The following EHBP1 variants were observed in gnomAD, a reference collection of about 807,000 sequenced individuals.
EHBP1 encodes EH domain-binding protein 1.
EHBP1 carries 55 observed loss-of-function variants against 144.0 expected under a neutral mutation model. The observed-to-expected ratio is 0.38, with a 90% CI of 0.31 to 0.48. The LOEUF is 0.48. Ranked by LOEUF, EHBP1 falls within the 20% of genes least tolerant of loss-of-function variation. The probability of loss-of-function intolerance (pLI) is 0.98; values close to 1 mark genes in which losing one functional copy is unlikely to be tolerated. For missense variants in EHBP1, 1,200 were observed against 1,364.2 expected (o/e 0.88, Z 1.90); for synonymous variants, 469 against 472.7 (o/e 0.99, Z 0.10).
chr2:62,830,189 CACACACATATATATACACATAT>C (rs1286840528), intron 6 of EHBP1, among the ~76,000 whole-genome samples: 1 of 105,980 alleles, frequency 9.4e-6, no homozygotes, highest in Non-Finnish European at 2.1e-5. Context: ...CACACACACA[CACACACATATATATACACATAT>C]ACACACACAC....
chr2:62,728,515 T>C (rs1313909738), intron 2 of EHBP1, among the ~76,000 whole-genome samples: 1 of 152,252 alleles, frequency 6.6e-6, no homozygotes, highest in Non-Finnish European at 1.5e-5. Flanking sequence ...CACAATATTT[T>C]CATATGCTTA....
chr2:62,907,719 C>T (rs570178215), intron 10 of EHBP1, among the ~76,000 whole-genome samples: 6 of 152,284 alleles, frequency 3.9e-5, no homozygotes, highest in Non-Finnish European at 5.9e-5. Flanking sequence ...TTTCAACTTA[C>T]GAATTTTAGG....
At chr2:62,798,410 T>G (rs1167012536) in intron 5 of EHBP1, among the ~76,000 whole-genome samples, 15 of 152,026 alleles carry the variant, frequency 9.9e-5, no homozygotes, top group Admixed American at 9.8e-4. Flanking sequence ...CTCAATTCTC[T>G]TTTCCTGTAG....
chr2:62,882,623 C>T (rs190513528), intron 10 of EHBP1, among the ~76,000 whole-genome samples: 32 of 152,316 alleles, frequency 2.1e-4, no homozygotes, highest in African/African-American at 7.0e-4. Flanking sequence ...TGGCTCACGC[C>T]TGTAATCCCA....
chr2:62,935,754 C>G (rs2056342458), intron 10 of EHBP1, among the ~76,000 whole-genome samples: 1 of 152,142 alleles, frequency 6.6e-6, no homozygotes, highest in South Asian at 2.1e-4. Context: ...TGCTCAATCT[C>G]AAATATTTCA....
chr2:62,797,207 AT>A (rs2043600971), intron 5 of EHBP1, among the ~76,000 whole-genome samples: 2 of 152,300 alleles, frequency 1.3e-5, no homozygotes, highest in Admixed American at 1.3e-4. Flanking sequence ...TTAGCTATGC[AT>A]GGCTTTTGTG....
chr2:62,809,316 CAA>C (rs1426018284), intron 5 of EHBP1, among the ~76,000 whole-genome samples: 1 of 102,318 alleles, frequency 9.8e-6, no homozygotes, highest in African/African-American at 4.3e-5. Context: ...AAAAAAAAAA[CAA>C]GAAGAGCACA....
At chr2:62,880,717 C>T (rs1014246620) in intron 10 of EHBP1, among the ~76,000 whole-genome samples, 1 of 152,124 alleles carries the variant, frequency 6.6e-6, no homozygotes, top group African/African-American at 2.4e-5. Flanking sequence ...TGTCTCATAC[C>T]AGGCAGAATG....
chr2:62,695,768 A>G (rs1336181785), intron 1 of EHBP1, among the ~76,000 whole-genome samples: 3 of 152,184 alleles, frequency 2.0e-5, no homozygotes, highest in African/African-American at 7.2e-5. Flanking sequence ...GCTGGAGTGC[A>G]GTGGTGCAGT....
intron 7 of EHBP1, among the ~76,000 whole-genome samples, chr2:62,842,196 C>G (rs2047942916): frequency 6.6e-6 from 1 of 152,108 alleles, no homozygotes; most frequent in Non-Finnish European, 1.5e-5. Flanking sequence ...AAGGGATTCT[C>G]CTGCCTCAGC....
intron 21 of EHBP1, among the ~76,000 whole-genome samples, chr2:63,039,590 C>G (rs1013466355): frequency 1.4e-4 from 21 of 152,216 alleles, no homozygotes; most frequent in Admixed American, 1.1e-3. Context: ...ATATTGACCT[C>G]TTAACCCATT....
intron 8 of EHBP1, among the ~76,000 whole-genome samples, chr2:62,859,755 T>TTATA (rs144844129): frequency 2.0e-5 from 3 of 151,286 alleles, no homozygotes; most frequent in South Asian, 2.1e-4. Flanking sequence ...ACCGCTGCTA[T>TTATA]TATATATATA....
intron 3 of EHBP1, among the ~76,000 whole-genome samples, chr2:62,752,964 G>A (rs997432006): frequency 4.6e-5 from 7 of 152,092 alleles, no homozygotes; most frequent in Admixed American, 2.6e-4. Context: ...CAAATTGCCA[G>A]TTTGTTTCTT....
intron 14 of EHBP1, among the ~76,000 whole-genome samples, chr2:62,968,697 CCTT>C (rs1259942854): frequency 6.6e-6 from 1 of 152,138 alleles, no homozygotes; most frequent in African/African-American, 2.4e-5. Context: ...AACTGTTAGA[CCTT>C]CTACTTTTTT....
At chr2:63,025,464 C>A (rs1407907273) in intron 19 of EHBP1, among the ~76,000 whole-genome samples, 1 of 152,168 alleles carries the variant, frequency 6.6e-6, no homozygotes, top group Admixed American at 6.5e-5. Context: ...CAAAGCCTTG[C>A]TATATTCAGG....
chr2:63,028,922 A>T, intron 19 of EHBP1, among the ~76,000 whole-genome samples: 1 of 152,172 alleles, frequency 6.6e-6, no homozygotes, highest in East Asian at 1.9e-4. Context: ...CTTTATAAGT[A>T]TTTGATATTC....
At chr2:62,786,833 G>A (rs2042839016) in intron 5 of EHBP1, among the ~76,000 whole-genome samples, 1 of 152,166 alleles carries the variant, frequency 6.6e-6, no homozygotes, top group Non-Finnish European at 1.5e-5. Flanking sequence ...TGCAGAGTGG[G>A]CAATTTTGAA....
chr2:63,020,685 T>A (rs2060703907), intron 19 of EHBP1, among the ~76,000 whole-genome samples: 1 of 151,770 alleles, frequency 6.6e-6, no homozygotes, highest in African/African-American at 2.4e-5. Context: ...TTTCTTTTTT[T>A]TTTTGTTTTT....
chr2:62,915,913 G>T (rs573274557), intron 10 of EHBP1, among the ~76,000 whole-genome samples: 1 of 152,222 alleles, frequency 6.6e-6, no homozygotes, highest in East Asian at 1.9e-4. Flanking sequence ...AATAACAGGA[G>T]TATCACAGAA....
Sources: gnomAD v4.1 joint callset for allele counts (sites outside exome capture counted in the v4.1 genomes callset) on GRCh38, gnomAD v4.1.1 for gene constraint, MANE v1.5 for transcripts, NCBI Gene and HGNC (gene_info 2026-07-23, HGNC 2026-07-21) for gene names.